PIWIL2: variants seen among roughly 807,000 people sequenced by gnomAD.
PIWIL2 encodes piwi like RNA-mediated gene silencing 2.
A neutral mutation model predicts 116.5 loss-of-function variants in PIWIL2; 81 were observed. The ratio of observed to expected loss-of-function variants is 0.70; its 90% confidence interval spans 0.58 to 0.84. The LOEUF (loss-of-function observed/expected upper bound fraction) is 0.84, where lower values mean the gene tolerates loss of function less well. Ranked by LOEUF, PIWIL2 falls within the 40% of genes least tolerant of loss-of-function variation. PIWIL2 has a pLI of 0.00. For synonymous variants in PIWIL2, 489 were observed against 429.5 expected (o/e 1.14, Z -1.71); for missense variants, 1,272 against 1,212.3 (o/e 1.05, Z -0.73).
Position 22,309,992 on chromosome 8 carries a change from T to C in PIWIL2, c.1718T>C (p.Ile573Thr). 1 of 1,610,300 alleles carries C rather than the reference T, an allele frequency of 6.2e-7. No homozygotes were observed. Among genetic ancestry groups the C allele is most frequent in the East Asian group, 2.2e-5 (1 of 44,842 alleles). The change falls in exon 15 of 23, where the codon ATT becomes ACT. Residue 573 changes from isoleucine to threonine, a missense_variant. Transcript: ENST00000356766. ...IEGRVLPMER[I>T]NLKNTSFITS... Reference sequence around the variant, plus strand: ...GGACGTGTTCTGCCAATGGAAAGAATTAACTTAAAAAATACTTCGTTTATC... The same window carrying C: ...GGACGTGTTCTGCCAATGGAAAGAACTAACTTAAAAAATACTTCGTTTATC...
chr8:22,304,680 A>T, intron 11 of PIWIL2, 104 bp from the exon 12 acceptor site: 1 of 650,046 alleles, frequency 1.5e-6, no homozygotes, highest in Non-Finnish European at 2.8e-6. Context: ...CAAGAGTATT[A>T]TGCAAATTAT....
rs184990966 is a variant in PIWIL2 at position 22,307,878 on chromosome 8, A to G, written c.1546-55A>G. 3.4e-3 allele frequency: 4,873 copies of G among 1,430,922 alleles called. 14 individuals are homozygous for G. Among genetic ancestry groups the G allele is most frequent in the Non-Finnish European group, 4.2e-3 (4,404 of 1,042,644 alleles). The allele number at this position is 1,430,922 out of a possible 1,614,324, so 88.6% of individuals were successfully genotyped here. A position where few individuals can be genotyped will look rare whatever the true frequency, so the allele number is the denominator to read the frequency against. On this transcript the variant is annotated intron_variant, in intron 13 of 22. Transcript: ENST00000356766. ...TTTTAGACCTACTGGGGTTTATTTA[A>G]CTTCATATTGGTGAAGTTATCTTTA...
At chr8:22,283,861 C>T (rs190928902) in intron 5 of PIWIL2, among the ~76,000 whole-genome samples, 3 of 152,178 alleles carry the variant, frequency 2.0e-5, no homozygotes, top group Non-Finnish European at 2.9e-5. Flanking sequence ...AATATCGTGA[C>T]GCTTCATCTT....
intron 20 of PIWIL2, among the ~76,000 whole-genome samples, chr8:22,325,193 C>T (rs1233341671): frequency 1.3e-5 from 2 of 152,124 alleles, no homozygotes; most frequent in South Asian, 2.1e-4. Flanking sequence ...TATAAAGTCA[C>T]AATAGCATCC....
chr8:22,318,370 T>A (rs1831516969), intron 20 of PIWIL2, 95 bp downstream of exon 20: 7 of 675,820 alleles, frequency 1.0e-5, no homozygotes, highest in South Asian at 9.4e-5. Flanking sequence ...CAGGTTGGAG[T>A]GCAGTGGTGC....
In PIWIL2 at chr8:22,304,046, G is replaced by A; in HGVS notation, c.1207G>A (p.Glu403Lys). 6.2e-7 allele frequency: 1 copy of A among 1,612,568 alleles called. No individual in the cohort carries two copies. Among genetic ancestry groups the A allele is most frequent in the Non-Finnish European group, 8.5e-7 (1 of 1,179,310 alleles). The change falls in exon 11 of 23, where the codon GAA (glutamate) becomes AAA (lysine). Residue 403 changes from glutamate (E) to lysine (K), a missense_variant. Glu to Lys is a moderately conservative substitution (Grantham distance 56). Transcript: ENST00000356766. ...GCATGCCATTTATCAGCAGAATAAA[G>A]AACACTTCCAGGATGAGTGTACTAA... ...VMHAIYQQNK[E>K]HFQDECTKLL...
intron 20 of PIWIL2, among the ~76,000 whole-genome samples, chr8:22,346,858 G>A (rs1307301124): frequency 6.6e-6 from 1 of 151,948 alleles, no homozygotes; most frequent in Admixed American, 6.6e-5. Context: ...ACCAGCTTGG[G>A]CAACATAGCA....
intron 6 of PIWIL2, among the ~76,000 whole-genome samples, chr8:22,284,748 A>C (rs1294295660): frequency 1.3e-5 from 2 of 150,928 alleles, no homozygotes; most frequent in Non-Finnish European, 2.9e-5. Context: ...GTCTAGGGTT[A>C]AATTTAGGGG....
chr8:22,315,198 G>C (rs1025378285), intron 18 of PIWIL2, 53 bp downstream of exon 18: 3 of 986,748 alleles, frequency 3.0e-6, no homozygotes, highest in East Asian at 2.4e-5. Flanking sequence ...CCTCCAAGCT[G>C]TTTTCCTGTT....
intron 5 of PIWIL2, among the ~76,000 whole-genome samples, 173 bp from the exon 6 acceptor site, chr8:22,283,989 C>T (rs1355143602): frequency 6.6e-6 from 1 of 151,876 alleles, no homozygotes; most frequent in Non-Finnish European, 1.5e-5. Flanking sequence ...GATTTGCCTT[C>T]TAGCCTTCAG....
At chr8:22,325,695 C>G (rs117199670) in intron 20 of PIWIL2, among the ~76,000 whole-genome samples, 3 of 151,880 alleles carry the variant, frequency 2.0e-5, no homozygotes, top group Non-Finnish European at 4.4e-5. Flanking sequence ...TGTTGACCAA[C>G]CTGGTCTCAG....
At chr8:22,328,666 C>G (rs950360855) in intron 20 of PIWIL2, among the ~76,000 whole-genome samples, 4 of 151,648 alleles carry the variant, frequency 2.6e-5, no homozygotes, top group Non-Finnish European at 5.9e-5. Flanking sequence ...AAGTTTATTC[C>G]TAGCTATTTT....
At chr8:22,320,256 C>T (rs939694630) in intron 20 of PIWIL2, among the ~76,000 whole-genome samples, 7 of 133,594 alleles carry the variant, frequency 5.2e-5, no homozygotes, top group South Asian at 2.6e-4. Flanking sequence ...CTGCTGCGCC[C>T]GGCTTTTTTT....
intron 20 of PIWIL2, among the ~76,000 whole-genome samples, chr8:22,348,081 A>G (rs1832270250): frequency 6.6e-6 from 1 of 152,032 alleles, no homozygotes; most frequent in Admixed American, 6.6e-5. Flanking sequence ...GAGGCACATC[A>G]CTTGAGGTCA....
chr8:22,293,755 T>C (rs1178205513), intron 10 of PIWIL2, among the ~76,000 whole-genome samples: 3 of 152,250 alleles, frequency 2.0e-5, no homozygotes, highest in Non-Finnish European at 4.4e-5. Context: ...CTGCCTTATA[T>C]GCTAAAATAC....
chr8:22,289,966 T>G (rs1830721994), intron 9 of PIWIL2, 39 bp downstream of exon 9: 2 of 1,360,144 alleles, frequency 1.5e-6, no homozygotes, highest in African/African-American at 2.8e-5. Flanking sequence ...TTGAATGTTC[T>G]GGAAAGAAAG....
intron 10 of PIWIL2, among the ~76,000 whole-genome samples, chr8:22,293,497 C>T (rs2132007429): frequency 6.6e-6 from 1 of 152,112 alleles, no homozygotes; most frequent in East Asian, 1.9e-4. Context: ...GCTAATTTTT[C>T]TATTTTTAGT....
At chr8:22,279,630 T>A in intron 2 of PIWIL2, 46 bp downstream of exon 2, 1 of 1,543,880 alleles carries the variant, frequency 6.5e-7, no homozygotes, top group Non-Finnish European at 9.0e-7. Context: ...AGCTTACCTG[T>A]GTGCCGTCAG....
intron 19 of PIWIL2, among the ~76,000 whole-genome samples, chr8:22,316,937 T>A (rs1425636790): frequency 1.3e-5 from 2 of 151,788 alleles, no homozygotes; most frequent in Admixed American, 6.6e-5. Context: ...CACAAGCATG[T>A]GCCACCATAC....
Sources: allele counts gnomAD v4.1 joint callset (sites outside exome capture counted in the v4.1 genomes callset), GRCh38; gene constraint gnomAD v4.1.1; transcripts MANE v1.5; gene names NCBI Gene and HGNC (gene_info 2026-07-23, HGNC 2026-07-21).